DIAPH2: variants seen among roughly 807,000 people sequenced by gnomAD.
DIAPH2 encodes diaphanous related formin 2, also known as protein diaphanous homolog 2.
A neutral mutation model predicts 92.7 loss-of-function variants in DIAPH2; 35 were observed. That is an observed-to-expected ratio of 0.38 (90% confidence interval 0.29 to 0.50). The LOEUF is 0.50. Among genes scored for constraint, DIAPH2 ranks in the 20% least tolerant of loss-of-function variants. The pLI is 0.94. For synonymous variants in DIAPH2, 301 were observed against 280.4 expected (o/e 1.07, Z -0.73); for missense variants, 701 against 819.5 (o/e 0.86, Z 1.77).
rs184776728 is a variant in DIAPH2 at position 97,135,829 on chromosome X, A to G, written c.2590-5836A>G. Reference sequence around the variant, plus strand: ...AGTGCCTGAGTTATAGGCACATGATAGATAGGCAACAAATGTTGGTTCTCC... The same window carrying G: ...AGTGCCTGAGTTATAGGCACATGATGGATAGGCAACAAATGTTGGTTCTCC... On this transcript the variant is annotated intron_variant, in intron 21 of 26. Coordinates refer to ENST00000324765, the MANE Select transcript of DIAPH2 (RefSeq NM_006729.5). 5.4e-5 allele frequency among the ~76,000 whole-genome samples: 6 copies of G among 112,017 alleles called. No individual in the cohort carries two copies. In the East Asian group the frequency reaches 1.7e-3, roughly 32 times the overall value.
intron 25 of DIAPH2, among the ~76,000 whole-genome samples, chrX:97,399,168 G>GA (rs1006739798): frequency 4.5e-5 from 5 of 111,752 alleles, no homozygotes; most frequent in Admixed American, 9.5e-5. Flanking sequence ...ATGTCTTAAA[G>GA]AAAAAAATGT....
chrX:97,491,231 C>T (rs1309937075), intron 26 of DIAPH2, among the ~76,000 whole-genome samples: 2 of 111,240 alleles, frequency 1.8e-5, no homozygotes, highest in African/African-American at 6.5e-5. Context: ...GCCACTCCTG[C>T]TCTCTTTTGG....
intron 24 of DIAPH2, among the ~76,000 whole-genome samples, chrX:97,353,997 T>C (rs2069242206): frequency 9.0e-6 from 1 of 110,802 alleles, no homozygotes; most frequent in Non-Finnish European, 1.9e-5. Context: ...TAATTTTTAA[T>C]AGAGATGAGA....
At chrX:96,980,004 C>T (rs1028281501) in intron 17 of DIAPH2, among the ~76,000 whole-genome samples, 2 of 110,767 alleles carry the variant, frequency 1.8e-5, no homozygotes, top group Non-Finnish European at 3.8e-5. Context: ...CTGGTGCGGG[C>T]CCTGCAGCAG....
intron 23 of DIAPH2, among the ~76,000 whole-genome samples, chrX:97,296,502 T>C (rs1838395163): frequency 8.9e-6 from 1 of 112,099 alleles, no homozygotes; most frequent in African/African-American, 3.2e-5. Context: ...GTGTATTGCT[T>C]GTTTTCCCTC....
chrX:97,153,278 T>G (rs943495103), intron 22 of DIAPH2, among the ~76,000 whole-genome samples: 21 of 111,334 alleles, frequency 1.9e-4, no homozygotes, highest in Admixed American at 6.7e-4. Context: ...GTTTATTCAG[T>G]CCAGTTTAAA....
chrX:96,752,853 G>A (rs936347618), intron 3 of DIAPH2, among the ~76,000 whole-genome samples: 1 of 112,055 alleles, frequency 8.9e-6, no homozygotes, highest in Non-Finnish European at 1.9e-5. Context: ...CTAATAGCTA[G>A]CATTCTTTGA....
At chrX:97,096,941 A>G (rs2066873404) in intron 19 of DIAPH2, among the ~76,000 whole-genome samples, 1 of 111,170 alleles carries the variant, frequency 9.0e-6, no homozygotes, top group East Asian at 2.8e-4. Context: ...CCCTTAGTCC[A>G]CTACACAAAC....
At chrX:97,128,301 G>A (rs1385231488) in intron 21 of DIAPH2, among the ~76,000 whole-genome samples, 1 of 110,812 alleles carries the variant, frequency 9.0e-6, no homozygotes, top group African/African-American at 3.3e-5. Context: ...GCGCTGGTGG[G>A]AGTGTAGCAG....
chrX:96,791,248 A>C (rs170862), intron 4 of DIAPH2, among the ~76,000 whole-genome samples: 1 of 111,043 alleles, frequency 9.0e-6, no homozygotes. Flanking sequence ...CATGTTTTTC[A>C]TGCTCACCAT....
intron 17 of DIAPH2, among the ~76,000 whole-genome samples, chrX:97,056,132 G>A (rs2066555513): frequency 9.0e-6 from 1 of 111,432 alleles, no homozygotes; most frequent in Admixed American, 9.5e-5. Flanking sequence ...GTTTTAATGT[G>A]GCCAAGTATT....
intron 2 of DIAPH2, among the ~76,000 whole-genome samples, chrX:96,736,574 A>G (rs2147568197): frequency 9.0e-6 from 1 of 110,866 alleles, no homozygotes; most frequent in East Asian, 2.8e-4. Context: ...GCCTGGCCAA[A>G]TTTTGTATTT....
In DIAPH2 at chrX:97,019,735, TA is replaced by T. The variant is rs762026715; in HGVS notation, c.2051-53205del. Among the ~76,000 whole-genome samples, 193 of 107,949 alleles carry T rather than the reference TA, an allele frequency of 1.8e-3. 1 individual carries two copies. Among genetic ancestry groups the T allele is most frequent in the Non-Finnish European group, 3.0e-3 (154 of 51,828 alleles). The allele number at this position is 107,949 out of a possible 115,157, so 93.7% of individuals were successfully genotyped here. Reference sequence around the variant, plus strand: ...CAAGATTTTGCCTCTGAATATGTAATAGGCATTAATAGATTTTCACTTGGAT... The same window carrying T: ...CAAGATTTTGCCTCTGAATATGTAATGGCATTAATAGATTTTCACTTGGAT... On this transcript the variant is annotated intron_variant, in intron 17 of 26. Coordinates refer to ENST00000324765, the MANE Select transcript of DIAPH2 (RefSeq NM_006729.5).
At chrX:97,253,992 T>G (rs1472619830) in intron 23 of DIAPH2, among the ~76,000 whole-genome samples, 1 of 111,496 alleles carries the variant, frequency 9.0e-6, no homozygotes, top group Non-Finnish European at 1.9e-5. Context: ...GAAGGAGATA[T>G]CAAAGATAAG....
chrX:96,842,480 G>A (rs993678909), intron 4 of DIAPH2, among the ~76,000 whole-genome samples: 4 of 112,065 alleles, frequency 3.6e-5, no homozygotes, highest in Non-Finnish European at 7.5e-5. Context: ...AATATCTGTG[G>A]AGTTATATGT....
intron 26 of DIAPH2, among the ~76,000 whole-genome samples, chrX:97,436,789 T>C (rs934679717): frequency 9.0e-6 from 1 of 111,728 alleles, no homozygotes; most frequent in African/African-American, 3.3e-5. Context: ...ACCTCTGCTA[T>C]AATATCATGC....
chrX:96,855,595 A>G (rs1260153761), intron 4 of DIAPH2, among the ~76,000 whole-genome samples: 1 of 109,152 alleles, frequency 9.2e-6, no homozygotes, highest in Non-Finnish European at 1.9e-5. Context: ...TATAGATATA[A>G]ATATAGATAT....
rs188736556 is a variant in DIAPH2, at chrX:96,739,872, T to G, written c.342+1110T>G. On this transcript the variant is annotated intron_variant, in intron 3 of 26. Coordinates refer to ENST00000324765, the MANE Select transcript of DIAPH2 (RefSeq NM_006729.5). The stretch of plus-strand genomic sequence containing the variant: ...TAAACCATCTTTCAACAACCTTTTC[T>G]CTTTTGAAGTCTGTTATTGCTGACC... Among the ~76,000 whole-genome samples the G allele has an allele frequency of 5.2e-4, 58 of 111,952 alleles. No homozygotes were observed. In the Middle Eastern group the frequency reaches 0.014, roughly 27 times the overall value.
At chrX:96,871,418 C>T (rs1388474563) in intron 4 of DIAPH2, among the ~76,000 whole-genome samples, 2 of 89,827 alleles carry the variant, frequency 2.2e-5, no homozygotes, top group East Asian at 3.6e-4. Context: ...TGCAGTGAGC[C>T]GAGATCGCGC....
Sources: allele counts gnomAD v4.1 joint callset (sites outside exome capture counted in the v4.1 genomes callset), GRCh38; gene constraint gnomAD v4.1.1; transcripts MANE v1.5; gene names NCBI Gene and HGNC (gene_info 2026-07-23, HGNC 2026-07-21).